The following MBP variants were observed in gnomAD, a reference collection of about 807,000 sequenced individuals.
The protein encoded by MBP is myelin basic protein.
In MBP, 16 loss-of-function variants were observed where a neutral mutation model predicts 35.8. That is an observed-to-expected ratio of 0.45 (90% confidence interval 0.30 to 0.68). The LOEUF is 0.68. MBP is among the 30% of genes least tolerant of loss of function. The probability of loss-of-function intolerance (pLI) is 0.08; values close to 1 mark genes in which losing one functional copy is unlikely to be tolerated. For synonymous variants in MBP, 143 were observed against 159.6 expected (o/e 0.90, Z 0.78); for missense variants, 380 against 404.7 (o/e 0.94, Z 0.52).
At chr18:77,057,315 T>G (rs117309789) in intron 3 of MBP, among the ~76,000 whole-genome samples, 257 of 152,310 alleles carry the variant, frequency 1.7e-3, no homozygotes, top group Middle Eastern at 6.8e-3. Context: ...TCATCTGACA[T>G]GCAAGGCGGG....
intron 1 of MBP, among the ~76,000 whole-genome samples, chr18:77,121,518 A>G (rs1976884756): frequency 6.6e-6 from 1 of 152,100 alleles, no homozygotes; most frequent in African/African-American, 2.4e-5. Flanking sequence ...CCCTGCATAC[A>G]CCCATTTTCA....
At chr18:77,036,468 A>G (rs1247187) in intron 3 of MBP, among the ~76,000 whole-genome samples, 2 of 113,964 alleles carry the variant, frequency 1.8e-5, no homozygotes, top group African/African-American at 3.8e-5. Flanking sequence ...TGCTGGTCAC[A>G]TTTTGGAGGA....
intron 3 of MBP, among the ~76,000 whole-genome samples, chr18:77,050,112 A>G (rs1311157127): frequency 6.6e-6 from 1 of 152,250 alleles, no homozygotes; most frequent in Non-Finnish European, 1.5e-5. Flanking sequence ...AGCAAGGACA[A>G]AAATTACAAG....
At chr18:77,116,159 C>T (rs1976653264) in intron 1 of MBP, among the ~76,000 whole-genome samples, 1 of 150,746 alleles carries the variant, frequency 6.6e-6, no homozygotes, top group Non-Finnish European at 1.5e-5. Context: ...CATGAGTGTG[C>T]AGCACTTTAC....
chr18:77,037,412 C>A (rs893234359), intron 3 of MBP, among the ~76,000 whole-genome samples: 1 of 152,184 alleles, frequency 6.6e-6, no homozygotes, highest in African/African-American at 2.4e-5. Context: ...CCAGTGAGGT[C>A]GGGAGTATGT....
chr18:77,095,309 A>G (rs1055155852), intron 2 of MBP: 1 of 152,212 alleles, frequency 6.6e-6, no homozygotes, highest in African/African-American at 2.4e-5. Flanking sequence ...TTAAACATAT[A>G]TTAAATGGCC....
In MBP at chr18:77,066,305, T is replaced by C; in HGVS notation, c.132A>G (p.Glu44=). 1.9e-6 allele frequency: 3 copies of C among 1,613,846 alleles called. No individual in the cohort carries two copies. Among genetic ancestry groups the C allele is most frequent in the Non-Finnish European group, 2.5e-6 (3 of 1,179,780 alleles). Residue 44 remains glutamate (E), a synonymous_variant, in exon 3 of 9, where the codon GAA becomes GAG. Transcript: ENST00000355994. The part of the protein sequence containing the change: ...ELSRTTSEDN[E]VFGEADANQN... ...GATATCTGCGTCACCTACCGAACAC[T>C]TCGTTGTCCTCTGAGGTTGTCCGTG...
chr18:77,109,247 A>T (rs1976373276), intron 1 of MBP: 1 of 152,234 alleles, frequency 6.6e-6, no homozygotes, highest in Non-Finnish European at 1.5e-5. Flanking sequence ...CTAAACTGAC[A>T]AGGTCAAGGG....
In MBP at chr18:76,979,233, G is replaced by T. The variant is rs1048947; in HGVS notation, c.*1194C>A. ...ATCAAAAGGTGGGTCAGTAGGTTAG[G>T]GAGGGAGGCGCGAAAGGAGATGCCA... On this transcript the variant is annotated 3_prime_UTR_variant, in exon 9 of 9. Transcript: ENST00000355994. 48,648 of 151,900 alleles carry T rather than the reference G, an allele frequency of 0.32. 7,821 individuals are homozygous for T. Among genetic ancestry groups the T allele is most frequent in the South Asian group, 0.36 (1,736 of 4,810 alleles). The allele number at this position is 151,900 out of a possible 1,614,324, so 9.4% of individuals were successfully genotyped here.
Position 77,101,729 on chromosome 18 carries a change from G to A in MBP, c.51+3482C>T, listed in dbSNP as rs538171121. Among the ~76,000 whole-genome samples the A allele has an allele frequency of 6.6e-5, 10 of 152,170 alleles. No individual in the cohort carries two copies. In the South Asian group the frequency reaches 1.9e-3, roughly 28 times the overall value. On this transcript the variant is annotated intron_variant, in intron 2 of 8. Transcript: ENST00000355994. This position sits in a 1 kb window ranked among gnomAD's most constrained non-coding sequence, Gnocchi z 4.3. Reference sequence around the variant, plus strand: ...GTTTCTCTTCCTCTTACATCCTGCCGTGGCTTATTCGGGATGAGAGAGAAG... The same window carrying A: ...GTTTCTCTTCCTCTTACATCCTGCCATGGCTTATTCGGGATGAGAGAGAAG...
Position 77,131,741 on chromosome 18 carries a change from G to C in MBP, c.-26+839C>G, listed in dbSNP as rs982947571. 3.3e-5 allele frequency: 5 copies of C among 152,044 alleles called. No individual in the cohort carries two copies. Among genetic ancestry groups the C allele is most frequent in the African/African-American group, 1.2e-4 (5 of 41,362 alleles). The allele number at this position is 152,044 out of a possible 1,614,324, so 9.4% of individuals were successfully genotyped here. ...TCTAGTGTGGCGGCAAATGACCGCAGGTCACACACCCCGGCCTCGGGGGCC... is the reference window on the plus strand; with the variant it reads ...TCTAGTGTGGCGGCAAATGACCGCACGTCACACACCCCGGCCTCGGGGGCC... On this transcript the variant is annotated intron_variant, in intron 1 of 8. Transcript: ENST00000355994. This position sits in a 1 kb window ranked among gnomAD's most constrained non-coding sequence, Gnocchi z 5.5.
chr18:76,988,482 G>A lies in MBP; in HGVS notation c.750+13C>T, dbSNP rs765445881. The A allele has an allele frequency of 4.3e-6, 7 of 1,614,050 alleles. No homozygotes were observed. Among genetic ancestry groups the A allele is most frequent in the Non-Finnish European group, 5.9e-6 (7 of 1,180,028 alleles). ...CGGAAGAGGAAGCCGATGGAAGTGC[G>A]TTCGTCACCTACCCAGCTAAATCTG... On this transcript the variant is annotated intron_variant, in intron 7 of 8. Transcript: ENST00000355994. The surrounding 1 kb of genome is among the most constrained non-coding windows in gnomAD (Gnocchi z 5.2).
Position 77,102,124 on chromosome 18 carries a change from G to A in MBP, c.51+3087C>T, listed in dbSNP as rs919433569. Among the ~76,000 whole-genome samples, 4 of 152,220 alleles carry A rather than the reference G, an allele frequency of 2.6e-5. No homozygotes were observed. The highest frequency in any genetic ancestry group is 3.9e-4 in the East Asian group (2 of 5,172). ...AGCAGAGGAAAGAATCATCTAGTGT[G>A]GGTGGGGAGAGGTGGAGAAGGTGGC... On this transcript the variant is annotated intron_variant, in intron 2 of 8. Transcript: ENST00000355994. This position sits in a 1 kb window ranked among gnomAD's most constrained non-coding sequence, Gnocchi z 4.4.
At chr18:77,055,583 CTT>C (rs1423237392) in intron 3 of MBP, among the ~76,000 whole-genome samples, 2 of 147,920 alleles carry the variant, frequency 1.4e-5, no homozygotes, top group Non-Finnish European at 3.0e-5. Flanking sequence ...CTTTCTCTTT[CTT>C]TCTCTCTCTC....
chr18:76,994,663 T>C (rs1041715503), intron 4 of MBP, among the ~76,000 whole-genome samples: 2 of 152,226 alleles, frequency 1.3e-5, no homozygotes, highest in Non-Finnish European at 2.9e-5. Flanking sequence ...GTACACATGA[T>C]GTTGGTAGGT....
chr18:77,091,175 G>A (rs1975507031), intron 2 of MBP, among the ~76,000 whole-genome samples: 1 of 134,900 alleles, frequency 7.4e-6, no homozygotes, highest in South Asian at 2.3e-4. Context: ...CAGTGAGGTT[G>A]CACACACAGC....
At chr18:77,065,506 A>C (rs1974159795) in intron 3 of MBP, among the ~76,000 whole-genome samples, 1 of 152,236 alleles carries the variant, frequency 6.6e-6, no homozygotes, top group Non-Finnish European at 1.5e-5. Context: ...CCACAAAAAT[A>C]TGTAAAGGCA....
At chr18:77,040,023 G>A (rs2144616338) in intron 3 of MBP, among the ~76,000 whole-genome samples, 1 of 152,278 alleles carries the variant, frequency 6.6e-6, no homozygotes, top group East Asian at 1.9e-4. Flanking sequence ...TGGTGATTGA[G>A]GACTTTATTG....
At chr18:76,994,949 A>G (rs1345950364) in intron 4 of MBP, among the ~76,000 whole-genome samples, 1 of 152,260 alleles carries the variant, frequency 6.6e-6, no homozygotes, top group African/African-American at 2.4e-5. Flanking sequence ...GCCATAAATC[A>G]TCAGTTGCCT....
Sources: gnomAD v4.1 joint callset for allele counts (sites outside exome capture counted in the v4.1 genomes callset) on GRCh38, gnomAD v4.1.1 for gene constraint, Gnocchi (gnomAD v3.1) non-coding constraint, MANE v1.5 for transcripts, NCBI Gene and HGNC (gene_info 2026-07-23, HGNC 2026-07-21) for gene names.